IGFBPL1: variants seen among roughly 807,000 people sequenced by gnomAD.
IGFBPL1 encodes insulin like growth factor binding protein like 1, also known as insulin-like growth factor-binding protein-like 1.
IGFBPL1 carries 20 observed loss-of-function variants against 23.9 expected under a neutral mutation model. That is an observed-to-expected ratio of 0.84 (90% confidence interval 0.59 to 1.22). The LOEUF (loss-of-function observed/expected upper bound fraction) is 1.22, where lower values mean the gene tolerates loss of function less well. IGFBPL1 is among the 50% of genes most tolerant of loss of function. The probability of loss-of-function intolerance (pLI) is 0.00; values close to 1 mark genes in which losing one functional copy is unlikely to be tolerated. For synonymous variants in IGFBPL1, 184 were observed against 171.8 expected (o/e 1.07, Z -0.56); for missense variants, 436 against 379.3 (o/e 1.15, Z -1.24).
At position 38,424,106 on chromosome 9, in the gene IGFBPL1, C is replaced by A; in HGVS notation, c.319G>T (p.Val107Leu). ...CAGACGGTGCCGCGCTGCGCGCACA[C>A]GCAGAGCCCGGTGCCCTCGGGCGCT... ...GAAPEGTGLC[V>L]CAQRGTVCGS... Residue 107 changes from valine (V) to leucine (L), a missense_variant, in exon 1 of 5, where the codon GTG (valine) becomes TTG (leucine). Coordinates refer to ENST00000377694, the MANE Select transcript of IGFBPL1 (RefSeq NM_001007563.3). 1.5e-6 allele frequency: 2 copies of A among 1,351,358 alleles called. No homozygotes were observed. The highest frequency in any genetic ancestry group is 3.5e-5 in the Admixed American group (1 of 28,808). 83.7% of individuals were successfully genotyped at this position (1,351,358 alleles called of 1,614,324 possible). A position where few individuals can be genotyped will look rare whatever the true frequency, so the allele number is the denominator to read the frequency against.
rs1821732562 is a variant in IGFBPL1, at chr9:38,424,394, G to A, written c.31C>T (p.Leu11=). 2 of 639,618 alleles carry A rather than the reference G, an allele frequency of 3.1e-6. No individual in the cohort carries two copies. The highest frequency in any genetic ancestry group is 2.6e-5 in the Admixed American group (1 of 38,014). The allele number at this position is 639,618 out of a possible 1,614,324, so 39.6% of individuals were successfully genotyped here. The change falls in exon 1 of 5, where the codon CTG becomes TTG. Residue 11 remains leucine, a synonymous_variant. Transcript: ENST00000377694. ...AGCAGCGGCAGCAGCAGCAGAAGCA[G>A]CAGCGGCAAGAGCAGAGACAAGCGC... MPRLSLLLPL[L]LLLLLPLLPP...
intron 1 of IGFBPL1, among the ~76,000 whole-genome samples, chr9:38,422,757 A>C (rs1821699495): frequency 6.6e-6 from 1 of 152,194 alleles, no homozygotes; most frequent in African/African-American, 2.4e-5. Flanking sequence ...TACATTTCCC[A>C]GGACTGGAGG....
intron 2 of IGFBPL1, 55 bp downstream of exon 2, chr9:38,414,033 TCACACA>T (rs3045140): frequency 4.9e-4 from 370 of 760,728 alleles, no homozygotes; most frequent in South Asian, 8.9e-4. Flanking sequence ...TCCCTCTTTC[TCACACA>T]CACACACACA....
chr9:38,421,761 C>A (rs1342462938), intron 1 of IGFBPL1, among the ~76,000 whole-genome samples: 1 of 152,198 alleles, frequency 6.6e-6, no homozygotes, highest in Non-Finnish European at 1.5e-5. Context: ...CCTGTCCAAA[C>A]CTTCATGCTT....
At position 38,411,298 on chromosome 9, in the gene IGFBPL1, G is replaced by A. The variant is rs891645900; in HGVS notation, c.*9+93C>T. The A allele has an allele frequency of 2.6e-5, 28 of 1,090,076 alleles. No homozygotes were observed. In the South Asian group the frequency reaches 2.6e-4, roughly 10 times the overall value. The allele number at this position is 1,090,076 out of a possible 1,614,324, so 67.5% of individuals were successfully genotyped here. A position where few individuals can be genotyped will look rare whatever the true frequency, so the allele number is the denominator to read the frequency against. On this transcript the variant is annotated intron_variant, in intron 4 of 4. Transcript: ENST00000377694. ...TCTTTCCCTGGTTTCCTCCATTTAC[G>A]TATTTTTCTTCTTTTTTTTACAGGT...
intron 1 of IGFBPL1, among the ~76,000 whole-genome samples, chr9:38,421,941 T>C (rs779986239): frequency 1.3e-5 from 2 of 152,202 alleles, no homozygotes; most frequent in African/African-American, 2.4e-5. Flanking sequence ...AGTTCTGAGT[T>C]GCTTCCATGT....
chr9:38,416,554 G>A (rs1821601516), intron 1 of IGFBPL1, among the ~76,000 whole-genome samples: 1 of 152,122 alleles, frequency 6.6e-6, no homozygotes, highest in Non-Finnish European at 1.5e-5. Flanking sequence ...CTTCTGGTGT[G>A]CAGTTCTAGG....
chr9:38,410,501 TG>T (rs1821499756), intron 4 of IGFBPL1, among the ~76,000 whole-genome samples: 1 of 59,626 alleles, frequency 1.7e-5, no homozygotes, highest in Non-Finnish European at 4.3e-5. Context: ...AAAAAAAAAA[TG>T]ATTGGTCTGT....
chr9:38,424,303 C>T lies in IGFBPL1; in HGVS notation c.122G>A (p.Cys41Tyr). 7.9e-7 allele frequency: 1 copy of T among 1,263,914 alleles called. No individual in the cohort carries two copies. 78.3% of individuals were successfully genotyped at this position (1,263,914 alleles called of 1,614,324 possible). A position where few individuals can be genotyped will look rare whatever the true frequency, so the allele number is the denominator to read the frequency against. ...VGGRRPKCGP[C>Y]RPEGCPAPAP... ...AGGCGCCGGGCAGCCCTCTGGCCGG[C>T]ACGGACCACACTTGGGGCGCCGGCC... Residue 41 changes from cysteine to tyrosine, a missense_variant, in exon 1 of 5, where the codon TGC (cysteine) becomes TAC (tyrosine). Coordinates refer to ENST00000377694, the MANE Select transcript of IGFBPL1 (RefSeq NM_001007563.3).
At position 38,424,086 on chromosome 9, in the gene IGFBPL1, G is replaced by C; in HGVS notation, c.339C>G (p.Thr113=). 2 of 1,372,298 alleles carry C rather than the reference G, an allele frequency of 1.5e-6. No individual in the cohort carries two copies. The highest frequency in any genetic ancestry group is 1.7e-5 in the South Asian group (1 of 59,864). 85.0% of individuals were successfully genotyped at this position (1,372,298 alleles called of 1,614,324 possible). ...TGLCVCAQRG[T]VCGSDGRSYP... ...ACGAGCGACCGTCGGAGCCGCAGAC[G>C]GTGCCGCGCTGCGCGCACACGCAGA... Residue 113 remains threonine, a synonymous_variant, in exon 1 of 5, where the codon ACC becomes ACG. Transcript: ENST00000377694.
intron 3 of IGFBPL1, 79 bp from the exon 4 acceptor site, chr9:38,411,628 G>A (rs1821514731): frequency 8.4e-7 from 1 of 1,193,080 alleles, no homozygotes; most frequent in Non-Finnish European, 1.2e-6. Context: ...TTAATGATAA[G>A]TCTGCACACT....
In IGFBPL1 at chr9:38,421,140, A is replaced by C. The variant is rs573916058; in HGVS notation, c.460+2825T>G. Among the ~76,000 whole-genome samples the C allele has an allele frequency of 1.3e-4, 20 of 151,544 alleles. No homozygotes were observed. The South Asian group carries it at 4.2e-3, about 32-fold the overall frequency. ...AGATCCTGTCTCTACAAAAAATTCT[A>C]AAAATCAGCTGGGCATGATGGTATG... On this transcript the variant is annotated intron_variant, in intron 1 of 4. Transcript: ENST00000377694.
intron 1 of IGFBPL1, among the ~76,000 whole-genome samples, chr9:38,415,030 C>T (rs1253167942): frequency 1.3e-5 from 2 of 152,198 alleles, no homozygotes; most frequent in African/African-American, 2.4e-5. Context: ...AACTCAGCCA[C>T]CCTGGCATCC....
At chr9:38,417,320 C>G (rs10973796) in intron 1 of IGFBPL1, among the ~76,000 whole-genome samples, 1 of 152,096 alleles carries the variant, frequency 6.6e-6, no homozygotes, top group African/African-American at 2.4e-5. Context: ...GACCCTTCCA[C>G]GTACACCACC....
chr9:38,418,827 A>G (rs1405212982), intron 1 of IGFBPL1, among the ~76,000 whole-genome samples: 1 of 152,104 alleles, frequency 6.6e-6, no homozygotes, highest in Non-Finnish European at 1.5e-5. Flanking sequence ...AGTCACCCAG[A>G]TGCACATGGT....
Position 38,407,038 on chromosome 9 carries a change from G to C in IGFBPL1, c.*2189C>G, listed in dbSNP as rs149254246. ...TTCCTTCCCACATCATTTCACTAAG[G>C]GTCTGACCAACTCATCTCCCAACCA... On this transcript the variant is annotated 3_prime_UTR_variant, in exon 5 of 5. Coordinates refer to ENST00000377694, the MANE Select transcript of IGFBPL1 (RefSeq NM_001007563.3). Among the ~76,000 whole-genome samples, 1,051 of 152,184 alleles carry C rather than the reference G, an allele frequency of 6.9e-3. 21 individuals carry two copies. The highest frequency in any genetic ancestry group is 0.024 in the African/African-American group (1,014 of 41,500).
chr9:38,412,585 G>A (rs568217319), intron 3 of IGFBPL1, among the ~76,000 whole-genome samples: 2 of 152,334 alleles, frequency 1.3e-5, no homozygotes, highest in South Asian at 4.2e-4. Context: ...TCCTTGGGCT[G>A]CTGTAACAAA....
intron 4 of IGFBPL1, among the ~76,000 whole-genome samples, chr9:38,410,094 A>G (rs1259834278): frequency 1.3e-5 from 2 of 152,194 alleles, no homozygotes; most frequent in Admixed American, 1.3e-4. Context: ...GAGAAACCCT[A>G]TCAGACTTGT....
At chr9:38,416,248 A>C (rs1044271392) in intron 1 of IGFBPL1, among the ~76,000 whole-genome samples, 1 of 152,154 alleles carries the variant, frequency 6.6e-6, no homozygotes. Flanking sequence ...TGTTCATGTA[A>C]AGTCATACAT....
Sources: gnomAD v4.1 joint callset for allele counts (sites outside exome capture counted in the v4.1 genomes callset) on GRCh38, gnomAD v4.1.1 for gene constraint, MANE v1.5 for transcripts, NCBI Gene and HGNC (gene_info 2026-07-23, HGNC 2026-07-21) for gene names.